The following NRG3 variants were observed in gnomAD, a reference collection of about 807,000 sequenced individuals.
NRG3 encodes the protein pro-neuregulin-3, membrane-bound isoform.
Under a neutral mutation model 66.9 loss-of-function variants are expected in NRG3, and 31 were observed. The observed-to-expected ratio is 0.46, with a 90% CI of 0.35 to 0.63. The LOEUF is 0.63. NRG3 is among the 20% of genes least tolerant of loss of function. The probability of loss-of-function intolerance (pLI) is 0.00; values close to 1 mark genes in which losing one functional copy is unlikely to be tolerated. For missense variants in NRG3, 910 were observed against 878.9 expected, an observed-to-expected ratio of 1.04 and a Z score of -0.45; for synonymous variants, 393 against 359.4, an observed-to-expected ratio of 1.09 and a Z score of -1.06.
chr10:82,194,561 G>A (rs1308930745), intron 1 of NRG3, among the ~76,000 whole-genome samples: 1 of 152,052 alleles, frequency 6.6e-6, no homozygotes. Flanking sequence ...TGTGACAGTA[G>A]GAGGACTGCT....
At chr10:82,716,799 A>G (rs1419793387) in intron 2 of NRG3, among the ~76,000 whole-genome samples, 1 of 152,228 alleles carries the variant, frequency 6.6e-6, no homozygotes, top group South Asian at 2.1e-4. Flanking sequence ...AGGTCTTTAT[A>G]CATAATTTAA....
chr10:81,879,872 A>G (rs1010198732), intron 1 of NRG3, among the ~76,000 whole-genome samples: 11 of 152,218 alleles, frequency 7.2e-5, no homozygotes, highest in Non-Finnish European at 1.2e-4. Flanking sequence ...ATTTGTTTAA[A>G]TAAAGTTACT....
chr10:82,058,943 G>C (rs1384994808), intron 1 of NRG3, among the ~76,000 whole-genome samples: 5 of 152,172 alleles, frequency 3.3e-5, no homozygotes, highest in Non-Finnish European at 2.9e-5. Context: ...TTTGAAGTCT[G>C]TATTTCCAGT....
intron 6 of NRG3, among the ~76,000 whole-genome samples, chr10:82,960,881 C>T (rs183027800): frequency 6.6e-6 from 1 of 152,052 alleles, no homozygotes; most frequent in African/African-American, 2.4e-5. Flanking sequence ...TATAAAACGG[C>T]CCCACCCCTA....
chr10:82,387,813 T>G (rs925905401), intron 2 of NRG3, among the ~76,000 whole-genome samples: 1 of 152,196 alleles, frequency 6.6e-6, no homozygotes, highest in African/African-American at 2.4e-5. Flanking sequence ...AACATTAATA[T>G]AACACCAGAA....
At chr10:82,275,641 A>G (rs945106504) in intron 1 of NRG3, among the ~76,000 whole-genome samples, 11 of 151,886 alleles carry the variant, frequency 7.2e-5, no homozygotes, top group Admixed American at 2.6e-4. Context: ...ATTCCAAATG[A>G]TTTCCCTATT....
chr10:82,352,325 A>T (rs2083484878), intron 1 of NRG3, among the ~76,000 whole-genome samples: 1 of 152,156 alleles, frequency 6.6e-6, no homozygotes, highest in Non-Finnish European at 1.5e-5. Context: ...CAAGTTTGAG[A>T]ATATCCCATA....
chr10:82,628,327 T>C (rs1167987391), intron 2 of NRG3, among the ~76,000 whole-genome samples: 2 of 152,198 alleles, frequency 1.3e-5, no homozygotes. Flanking sequence ...AATCATTCTC[T>C]AGCATATTTT....
chr10:82,059,869 T>C (rs1423786575), intron 1 of NRG3, among the ~76,000 whole-genome samples: 1 of 152,224 alleles, frequency 6.6e-6, no homozygotes, highest in Admixed American at 6.5e-5. Flanking sequence ...GCTTCTGATA[T>C]GTTCCCTTGA....
At chr10:82,661,400 T>C (rs2052349697) in intron 2 of NRG3, among the ~76,000 whole-genome samples, 1 of 152,014 alleles carries the variant, frequency 6.6e-6, no homozygotes, top group Non-Finnish European at 1.5e-5. Context: ...TATTATATAT[T>C]GTAACAAGTA....
At chr10:82,962,563 G>T (rs1402512553) in intron 6 of NRG3, among the ~76,000 whole-genome samples, 3 of 152,138 alleles carry the variant, frequency 2.0e-5, no homozygotes, top group Non-Finnish European at 4.4e-5. Context: ...CCTAGGCCAG[G>T]CGCAGTGGCT....
intron 2 of NRG3, among the ~76,000 whole-genome samples, chr10:82,730,610 T>C (rs1362119670): frequency 6.6e-6 from 1 of 152,232 alleles, no homozygotes; most frequent in African/African-American, 2.4e-5. Context: ...TTGTAAAGGC[T>C]GTACCTGTAG....
chr10:81,929,086 C>T (rs779227071), intron 1 of NRG3, among the ~76,000 whole-genome samples: 1 of 152,114 alleles, frequency 6.6e-6, no homozygotes, highest in Non-Finnish European at 1.5e-5. Context: ...CTTGACCTCC[C>T]AAAGTGTTGG....
At chr10:82,633,338 A>G (rs74146133) in intron 2 of NRG3, among the ~76,000 whole-genome samples, 14,726 of 152,270 alleles carry the variant, frequency 0.097, 818 homozygotes, top group East Asian at 0.22. Context: ...CATCATCATC[A>G]TAAACAAAGC....
At chr10:81,904,967 C>T (rs947558826) in intron 1 of NRG3, among the ~76,000 whole-genome samples, 2 of 152,174 alleles carry the variant, frequency 1.3e-5, no homozygotes, top group Non-Finnish European at 2.9e-5. Flanking sequence ...GCTTCTCTTA[C>T]CAAAGTATCT....
intron 4 of NRG3, among the ~76,000 whole-genome samples, chr10:82,936,746 T>G (rs1848108000): frequency 6.6e-6 from 1 of 151,982 alleles, no homozygotes; most frequent in Non-Finnish European, 1.5e-5. Flanking sequence ...AATTTAAAAA[T>G]AAGTAAATAT....
chr10:82,935,103 A>G (rs1286547198), intron 4 of NRG3, among the ~76,000 whole-genome samples: 3 of 152,220 alleles, frequency 2.0e-5, no homozygotes, highest in Non-Finnish European at 2.9e-5. Flanking sequence ...ATACATCAAT[A>G]TATTTGCCAG....
intron 2 of NRG3, among the ~76,000 whole-genome samples, chr10:82,560,180 G>T (rs1354970628): frequency 6.6e-6 from 1 of 151,440 alleles, no homozygotes; most frequent in African/African-American, 2.4e-5. Flanking sequence ...CATATTTCAT[G>T]ATTTATTGTT....
intron 1 of NRG3, among the ~76,000 whole-genome samples, chr10:82,307,468 G>C (rs1019343450): frequency 1.3e-5 from 2 of 152,038 alleles, no homozygotes; most frequent in East Asian, 3.9e-4. Flanking sequence ...ATTATGTGGA[G>C]AAATCCAAGA....
Sources: allele counts gnomAD v4.1 joint callset (sites outside exome capture counted in the v4.1 genomes callset), GRCh38; gene constraint gnomAD v4.1.1; transcripts MANE v1.5; gene names NCBI Gene and HGNC (gene_info 2026-07-23, HGNC 2026-07-21).